ARSG: variants seen among roughly 807,000 people sequenced by gnomAD.
ARSG encodes the protein ASG.
A neutral mutation model predicts 50.5 loss-of-function variants in ARSG; 37 were observed. The ratio of observed to expected loss-of-function variants is 0.73; its 90% CI spans 0.56 to 0.96. The LOEUF is 0.96. Ranked by LOEUF, ARSG falls within the 50% of genes least tolerant of loss-of-function variation. The pLI, the probability that ARSG is intolerant of heterozygous loss-of-function variation, is 0.00. For synonymous variants in ARSG, 225 were observed against 254.6 expected, an observed-to-expected ratio of 0.88 and a Z score of 1.11; for missense variants, 629 against 675.3, an observed-to-expected ratio of 0.93 and a Z score of 0.76.
chr17:68,385,023 T>TA lies in ARSG; in HGVS notation c.983-40dup, dbSNP rs772564231. The TA allele has an allele frequency of 1.9e-6, 3 of 1,545,540 alleles. No homozygotes were observed. In the South Asian group the frequency reaches 3.3e-5, roughly 17 times the overall value. The stretch of plus-strand genomic sequence containing the variant: ...TCTTAGCTGAAAAGAAGTCTCGAGT[T>TA]ATCACCATGGATGAACCAGCTGCCT... On this transcript the variant is annotated intron_variant, in intron 8 of 11. Coordinates refer to ENST00000621439, the MANE Select transcript of ARSG (RefSeq NM_001267727.2).
chr17:68,429,881 G>C, the ARSG span: 2 of 1,486,572 alleles, frequency 1.3e-6, no homozygotes, highest in Non-Finnish European at 1.8e-6. Flanking sequence ...AAGCCACCGT[G>C]CCCAGCCTGG....
chr17:68,433,471 T>TTGG, the ARSG span: 3 of 1,614,018 alleles, frequency 1.9e-6, no homozygotes, highest in Non-Finnish European at 2.5e-6. Flanking sequence ...TACTTGCCTG[T>TTGG]TGGTGACCTG....
chr17:68,449,456 A>G, the ARSG span, among the ~76,000 whole-genome samples: 5 of 152,186 alleles, frequency 3.3e-5, no homozygotes, highest in Non-Finnish European at 5.9e-5. Context: ...GAAACACTGT[A>G]ATATGATTCA....
intron 7 of ARSG, among the ~76,000 whole-genome samples, chr17:68,369,466 G>A (rs1194019178): frequency 6.6e-6 from 1 of 152,112 alleles, no homozygotes; most frequent in African/African-American, 2.4e-5. Flanking sequence ...CTTAAACCTG[G>A]GAGGCGGAGG....
the ARSG span, among the ~76,000 whole-genome samples, chr17:68,431,834 G>C: frequency 3.3e-4 from 7 of 21,240 alleles, no homozygotes; most frequent in African/African-American, 1.6e-3. Context: ...CTCACAGACA[G>C]AAACGGGAGA....
At chr17:68,384,943 C>A in intron 8 of ARSG, 121 bp from the exon 9 acceptor site, 1 of 720,946 alleles carries the variant, frequency 1.4e-6, no homozygotes, top group South Asian at 1.7e-5. Flanking sequence ...CCAAAAAAGT[C>A]ATTCCTTTGT....
At chr17:68,436,754 C>T in the ARSG span, among the ~76,000 whole-genome samples, 1 of 152,122 alleles carries the variant, frequency 6.6e-6, no homozygotes, top group African/African-American at 2.4e-5. Context: ...CCTGTAATTC[C>T]AGCACTTTGA....
Position 68,368,732 on chromosome 17 carries a change from C to A in ARSG, c.889C>A (p.Leu297Ile). Residue 297 changes from leucine (L) to isoleucine (I), a missense_variant, in exon 7 of 12, where the codon CTC (leucine) becomes ATC (isoleucine). By Grantham distance (5) the Leu-to-Ile change is conservative (BLOSUM62 2). Coordinates refer to ENST00000621439, the MANE Select transcript of ARSG (RefSeq NM_001267727.2). Reference sequence around the variant, plus strand: ...CCACACAGTGAAGGAAAACACATTCCTCTGGTTTACAGGTAAAGTAGTAAA... The same window carrying A: ...CCACACAGTGAAGGAAAACACATTCATCTGGTTTACAGGTAAAGTAGTAAA... ...VDHTVKENTF[L>I]WFTGDNGPWA... is the part of the protein sequence containing the mutation. 6.2e-7 allele frequency: 1 copy of A among 1,613,268 alleles called. No individual in the cohort carries two copies. The highest frequency in any genetic ancestry group is 8.5e-7 in the Non-Finnish European group (1 of 1,179,782).
At chr17:68,371,316 CAAAAAAAAAAA>C (rs35873473) in intron 8 of ARSG, among the ~76,000 whole-genome samples, 1 of 86,184 alleles carries the variant, frequency 1.2e-5, no homozygotes, top group East Asian at 4.1e-4. Context: ...GACTCCGTCT[CAAAAAAAAAAA>C]AAAAAAAAAG....
Position 68,269,116 on chromosome 17 carries a change from C to G in ARSG, c.-552+9690C>G, listed in dbSNP as rs782052199. 4.0e-6 allele frequency: 6 copies of G among 1,515,664 alleles called. No individual in the cohort carries two copies. The African/African-American group carries it at 4.2e-5, about 11-fold the overall frequency. The allele number at this position is 1,515,664 out of a possible 1,614,324, so 93.9% of individuals were successfully genotyped here. Reference sequence around the variant, plus strand: ...GTGTGTCATACCGGCTCCATTTGCACGTGAACTCTGTGCTCATTTTTTGCA... The same window carrying G: ...GTGTGTCATACCGGCTCCATTTGCAGGTGAACTCTGTGCTCATTTTTTGCA... On this transcript the variant is annotated intron_variant, in intron 1 of 11. Transcript: ENST00000448504.
chr17:68,383,681 C>T (rs1042480052), intron 8 of ARSG, among the ~76,000 whole-genome samples: 6 of 152,166 alleles, frequency 3.9e-5, no homozygotes, highest in African/African-American at 9.7e-5. Context: ...CGTGGAAATG[C>T]GTTTTATGCT....
At chr17:68,293,941 C>T (rs2076114230) in intron 1 of ARSG, among the ~76,000 whole-genome samples, 1 of 152,194 alleles carries the variant, frequency 6.6e-6, no homozygotes, top group Admixed American at 6.5e-5. Flanking sequence ...TGAGACCAAG[C>T]GTGAAAACCC....
intron 1 of ARSG, among the ~76,000 whole-genome samples, chr17:68,265,266 G>C (rs1350949135): frequency 3.3e-5 from 5 of 151,978 alleles, no homozygotes; most frequent in African/African-American, 1.2e-4. Context: ...GGCCATAGTG[G>C]GCAGATCACT....
At chr17:68,422,722 C>G (rs949773301), downstream of ARSG, 22 of 101,314 alleles carry the variant, frequency 2.2e-4, no homozygotes, top group Non-Finnish European at 4.0e-4. Flanking sequence ...GAGTGAGACT[C>G]TATCATCTCA....
chr17:68,291,484 G>GGC (rs1267365988), upstream of ARSG: 8 of 150,500 alleles, frequency 5.3e-5, no homozygotes, highest in Non-Finnish European at 7.4e-5. Flanking sequence ...GGGCCTGCCT[G>GGC]GCGCGCGCGC....
chr17:68,327,110 G>C (rs1304631176), intron 2 of ARSG, among the ~76,000 whole-genome samples: 3 of 152,096 alleles, frequency 2.0e-5, no homozygotes, highest in Non-Finnish European at 2.9e-5. Flanking sequence ...AGGACAAGTA[G>C]GAGTTTGGAA....
intron 1 of ARSG, among the ~76,000 whole-genome samples, chr17:68,284,368 TG>T (rs1555753779): frequency 1.3e-5 from 2 of 152,150 alleles, no homozygotes; most frequent in African/African-American, 4.8e-5. Context: ...CACTCCAGTC[TG>T]GGTGACAGAG....
chr17:68,262,172 A>AAC (rs1324807168), intron 1 of ARSG, among the ~76,000 whole-genome samples: 7 of 24,130 alleles, frequency 2.9e-4, no homozygotes, highest in African/African-American at 1.5e-3. Context: ...AAAACAAACA[A>AAC]AAAAAAAAAA....
rs184288546 is a variant in ARSG at position 68,328,465 on chromosome 17, G to C, written c.219-15139G>C. 3.9e-5 allele frequency among the ~76,000 whole-genome samples: 6 copies of C among 152,218 alleles called. No homozygotes were observed. In the East Asian group the frequency reaches 9.6e-4, roughly 24 times the overall value. Reference sequence around the variant, plus strand: ...TATTTGGACCCAGGCTTGTCTTTCCGTGCCTTTAATTTTCTTATCACTCTG... The same window carrying C: ...TATTTGGACCCAGGCTTGTCTTTCCCTGCCTTTAATTTTCTTATCACTCTG... On this transcript the variant is annotated intron_variant, in intron 2 of 11. Coordinates refer to ENST00000621439, the MANE Select transcript of ARSG (RefSeq NM_001267727.2).
Sources: gnomAD v4.1 joint callset for allele counts (sites outside exome capture counted in the v4.1 genomes callset) on GRCh38, gnomAD v4.1.1 for gene constraint, MANE v1.5 for transcripts, NCBI Gene and HGNC (gene_info 2026-07-23, HGNC 2026-07-21) for gene names.